HIRA: variants seen among roughly 807,000 people sequenced by gnomAD.
HIRA encodes the protein histone cell cycle regulator, also known as protein HIRA.
Under a neutral mutation model 126.6 loss-of-function variants are expected in HIRA, and 13 were observed. That is an observed-to-expected ratio of 0.10 (90% CI 0.07 to 0.16). HIRA has a LOEUF of 0.16. HIRA is among the 10% of genes least tolerant of loss of function. HIRA has a pLI of 1.00. For missense variants in HIRA, 834 were observed against 1,314.4 expected (o/e 0.63, Z 5.65); for synonymous variants, 511 against 520.0 (o/e 0.98, Z 0.24).
At chr22:19,385,228 G>A (rs754593027) in intron 12 of HIRA, among the ~76,000 whole-genome samples, 2 of 152,214 alleles carry the variant, frequency 1.3e-5, no homozygotes, top group Non-Finnish European at 2.9e-5. Flanking sequence ...GAAATCCACT[G>A]TTGTTAGCAT....
At chr22:19,394,620 T>C (rs1297024484) in intron 7 of HIRA, 111 bp from the exon 8 acceptor site, 1 of 1,096,814 alleles carries the variant, frequency 9.1e-7, no homozygotes, top group African/African-American at 1.6e-5. Context: ...TGGTGGAGCA[T>C]GCACCCCAAG....
intron 15 of HIRA, among the ~76,000 whole-genome samples, chr22:19,368,608 A>AT (rs2146203854): frequency 6.6e-6 from 1 of 152,208 alleles, no homozygotes; most frequent in South Asian, 2.1e-4. Context: ...GCTTGTTCTA[A>AT]TTTTTTCTAA....
At chr22:19,377,048 G>A (rs2089025535) in intron 14 of HIRA, among the ~76,000 whole-genome samples, 2 of 152,200 alleles carry the variant, frequency 1.3e-5, no homozygotes, top group South Asian at 2.1e-4. Context: ...CTTCCTCAGG[G>A]GACTGGGGGG....
intron 10 of HIRA, 25 bp from the exon 11 acceptor site, chr22:19,387,841 C>T: frequency 6.4e-7 from 1 of 1,573,100 alleles, no homozygotes. Flanking sequence ...CATCAGCAGC[C>T]TGGTAGCAAG....
intron 7 of HIRA, among the ~76,000 whole-genome samples, chr22:19,395,063 C>T (rs1421538448): frequency 6.6e-6 from 1 of 152,210 alleles, no homozygotes; most frequent in African/African-American, 2.4e-5. Context: ...AGGTTTGTAA[C>T]ATCCTTATAA....
At chr22:19,350,316 C>T (rs1228811478) in intron 24 of HIRA, among the ~76,000 whole-genome samples, 2 of 152,200 alleles carry the variant, frequency 1.3e-5, no homozygotes, top group Non-Finnish European at 2.9e-5. Context: ...TATAACATGC[C>T]TGGCCAGGGG....
At chr22:19,409,742 A>G (rs2089337054) in intron 2 of HIRA, among the ~76,000 whole-genome samples, 1 of 152,200 alleles carries the variant, frequency 6.6e-6, no homozygotes, top group African/African-American at 2.4e-5. Flanking sequence ...AGTATTTCCA[A>G]AACATCTCTG....
At chr22:19,333,500 A>G (rs1556005106) in intron 24 of HIRA, among the ~76,000 whole-genome samples, 2 of 152,352 alleles carry the variant, frequency 1.3e-5, no homozygotes, top group African/African-American at 4.8e-5. Flanking sequence ...TAAAACTGAC[A>G]TCAAGGATGA....
intron 15 of HIRA, among the ~76,000 whole-genome samples, chr22:19,363,326 G>A (rs961090908): frequency 1.3e-5 from 2 of 152,114 alleles, no homozygotes; most frequent in African/African-American, 4.8e-5. Flanking sequence ...ATTAATAGTA[G>A]GTGGACACAG....
At chr22:19,399,624 C>A (rs2089251156) in intron 5 of HIRA, among the ~76,000 whole-genome samples, 1 of 152,102 alleles carries the variant, frequency 6.6e-6, no homozygotes, top group Non-Finnish European at 1.5e-5. Context: ...ATCTGAGCAT[C>A]CTCATAGGTC....
rs1556004442 is a variant in HIRA at position 19,331,194 on chromosome 22, C to T, written c.*246G>A. The T allele has an allele frequency of 1.4e-6, 2 of 1,424,000 alleles. No individual in the cohort carries two copies. 88.2% of individuals were successfully genotyped at this position (1,424,000 alleles called of 1,614,324 possible). ...CTGGCCCCAGGGCACCTGGGCAGAG[C>T]TCCAGCCCTAGCTCCGCATCGGGGG... is the stretch of plus-strand genomic sequence containing the variant. On this transcript the variant is annotated 3_prime_UTR_variant, in exon 25 of 25. Transcript: ENST00000263208.
chr22:19,405,534 A>G (rs1005136335), intron 5 of HIRA: 1 of 984,236 alleles, frequency 1.0e-6, no homozygotes, highest in Non-Finnish European at 1.2e-6. Flanking sequence ...GGGAAGTTCT[A>G]CATTAAAGAT....
intron 5 of HIRA, among the ~76,000 whole-genome samples, chr22:19,402,711 C>T (rs1337492375): frequency 1.3e-5 from 2 of 152,082 alleles, no homozygotes; most frequent in South Asian, 4.1e-4. Flanking sequence ...ATGACAGCAC[C>T]CATCATTGTC....
intron 1 of HIRA, chr22:19,430,108 T>TA (rs1465463841): frequency 6.6e-6 from 1 of 152,196 alleles, no homozygotes; most frequent in Non-Finnish European, 1.5e-5. Flanking sequence ...AGCCAATATT[T>TA]ATCACATACC....
chr22:19,404,339 T>C (rs1399471986), intron 5 of HIRA, among the ~76,000 whole-genome samples: 1 of 152,196 alleles, frequency 6.6e-6, no homozygotes, highest in Non-Finnish European at 1.5e-5. Flanking sequence ...TGCAAGGCTC[T>C]GGTTAGGGCC....
chr22:19,371,061 G>A (rs1569298456), intron 15 of HIRA, among the ~76,000 whole-genome samples: 1 of 152,228 alleles, frequency 6.6e-6, no homozygotes, highest in African/African-American at 2.4e-5. Context: ...AAGCCACAAA[G>A]CAAACATGAG....
chr22:19,394,624 C>T (rs1397405756), intron 7 of HIRA, 115 bp from the exon 8 acceptor site: 19 of 1,040,624 alleles, frequency 1.8e-5, no homozygotes, highest in South Asian at 3.1e-5. Flanking sequence ...GGAGCATGCA[C>T]CCCAAGCTTC....
chr22:19,367,335 T>C (rs927962625), intron 15 of HIRA, among the ~76,000 whole-genome samples: 10 of 151,520 alleles, frequency 6.6e-5, no homozygotes, highest in Non-Finnish European at 1.0e-4. Flanking sequence ...ATTTAGTATT[T>C]GCATATAATG....
chr22:19,338,337 C>T (rs1255552546), intron 24 of HIRA, among the ~76,000 whole-genome samples: 2 of 151,448 alleles, frequency 1.3e-5, no homozygotes, highest in Non-Finnish European at 2.9e-5. Flanking sequence ...TGAAACAAAA[C>T]CTTGAAATAC....
Sources: gnomAD v4.1 joint callset for allele counts (sites outside exome capture counted in the v4.1 genomes callset) on GRCh38, gnomAD v4.1.1 for gene constraint, MANE v1.5 for transcripts, NCBI Gene and HGNC (gene_info 2026-07-23, HGNC 2026-07-21) for gene names.